The following BIN1 variants were observed in gnomAD, a reference collection of about 807,000 sequenced individuals.
BIN1 encodes the protein myc box-dependent-interacting protein 1.
BIN1 carries 53 observed loss-of-function variants against 82.0 expected under a neutral mutation model. The observed-to-expected ratio is 0.65, with a 90% CI of 0.52 to 0.81. The LOEUF (loss-of-function observed/expected upper bound fraction) is 0.81, where lower values mean the gene tolerates loss of function less well. Among genes scored for constraint, BIN1 ranks in the 40% least tolerant of loss-of-function variants. The probability of loss-of-function intolerance (pLI) is 0.00; values close to 1 mark genes in which losing one functional copy is unlikely to be tolerated. For missense variants in BIN1, 642 were observed against 784.4 expected (o/e 0.82, Z 2.17); for synonymous variants, 302 against 328.0 (o/e 0.92, Z 0.86).
intron 1 of BIN1, among the ~76,000 whole-genome samples, chr2:127,088,744 A>G (rs909019091): frequency 1.1e-4 from 17 of 151,582 alleles, no homozygotes; most frequent in Non-Finnish European, 7.4e-5. Context: ...ATCTCTTAAA[A>G]AAAAAAAAAA....
At chr2:127,066,882 G>T (rs1315977993) in intron 7 of BIN1, among the ~76,000 whole-genome samples, 3 of 152,094 alleles carry the variant, frequency 2.0e-5, no homozygotes, top group Admixed American at 6.5e-5. Flanking sequence ...ACCAGCCTGG[G>T]CAACATAATG....
At chr2:127,050,016 G>A (rs1682686135) in intron 18 of BIN1, among the ~76,000 whole-genome samples, 1 of 152,200 alleles carries the variant, frequency 6.6e-6, no homozygotes, top group African/African-American at 2.4e-5. Flanking sequence ...GCTGCAGGGT[G>A]GGCACCTTGT....
Position 127,076,629 on chromosome 2 carries a change from C to T in BIN1, c.162G>A (p.Gln54=). Residue 54 remains glutamine (Q), a synonymous_variant, in exon 2 of 19, where the codon CAG becomes CAA. Transcript: ENST00000316724. The part of the protein sequence containing the change: ...FEQCVQNFNK[Q]LTEGTRLQKD... Reference sequence around the variant, plus strand: ...GCCAAGGGCCACCCACACTCACCAGCTGCTTGTTGAAATTCTGGACGCACT... The same window carrying T: ...GCCAAGGGCCACCCACACTCACCAGTTGCTTGTTGAAATTCTGGACGCACT... 6.2e-7 allele frequency: 1 copy of T among 1,614,178 alleles called. No individual in the cohort carries two copies. The highest frequency in any genetic ancestry group is 8.5e-7 in the Non-Finnish European group (1 of 1,180,040).
rs772626188 is a variant in BIN1, at chr2:127,059,096, G to A, written c.917C>T (p.Ala306Val). The change falls in exon 11 of 19, where the codon GCC becomes GTC. Residue 306 changes from alanine to valine, a missense_variant. Coordinates refer to ENST00000316724, the MANE Select transcript of BIN1 (RefSeq NM_139343.3). The surrounding 1 kb of genome is among the most constrained non-coding windows in gnomAD (Gnocchi z 6.7). The part of the protein sequence containing the change: ...SPSPPDGSPA[A>V]TPEIRVNHEP... Reference sequence around the variant, plus strand: ...GTGGTTGACTCTGATCTCGGGGGTGGCGGCAGGGGAGCCATCTGGAGGCGA... The same window carrying A: ...GTGGTTGACTCTGATCTCGGGGGTGACGGCAGGGGAGCCATCTGGAGGCGA... The A allele has an allele frequency of 6.3e-7, 1 of 1,593,830 alleles. No homozygotes were observed. The highest frequency in any genetic ancestry group is 8.5e-7 in the Non-Finnish European group (1 of 1,171,302).
chr2:127,102,022 C>A (rs1055173394), intron 1 of BIN1, among the ~76,000 whole-genome samples: 6 of 152,316 alleles, frequency 3.9e-5, no homozygotes, highest in African/African-American at 1.4e-4. Context: ...ACTTGCTATG[C>A]CCCAAGCACC....
chr2:127,057,409 A>T lies in BIN1; in HGVS notation c.1131+64T>A. ...CTTGAGACAGAAGCATAGAGGATGA[A>T]GGCCATGCACGCCCTGAGAGGGCAG... is the stretch of plus-strand genomic sequence containing the variant. On this transcript the variant is annotated intron_variant, in intron 12 of 18. Transcript: ENST00000316724. The surrounding 1 kb of genome is among the most constrained non-coding windows in gnomAD (Gnocchi z 5.0). 2.0e-6 allele frequency: 3 copies of T among 1,485,794 alleles called. No individual in the cohort carries two copies. Among genetic ancestry groups the T allele is most frequent in the Non-Finnish European group, 2.7e-6 (3 of 1,114,376 alleles). 92.0% of individuals were successfully genotyped at this position (1,485,794 alleles called of 1,614,324 possible). A position where few individuals can be genotyped will look rare whatever the true frequency, so the allele number is the denominator to read the frequency against.
chr2:127,073,201 C>A (rs540406034), intron 2 of BIN1, among the ~76,000 whole-genome samples: 1 of 152,248 alleles, frequency 6.6e-6, no homozygotes, highest in Non-Finnish European at 1.5e-5. Flanking sequence ...CAGCTGGCTT[C>A]CTAAGCTCCT....
Position 127,051,197 on chromosome 2 carries a change from C to A in BIN1, c.1418G>T (p.Gly473Val). ...EVAGGTQPAA[G>V]AQEPGETAAS... ...CGCCGTCTCCCCTGGCTCCTGGGCTCCAGCCGCAGGTTGGGTCCCACCCGC... is the reference window on the plus strand; with the variant it reads ...CGCCGTCTCCCCTGGCTCCTGGGCTACAGCCGCAGGTTGGGTCCCACCCGC... The change falls in exon 16 of 19, where the codon GGA becomes GTA. Residue 473 changes from glycine (G) to valine (V), a missense_variant. Gly to Val is a moderately radical substitution (Grantham distance 109, BLOSUM62 -3). Transcript: ENST00000316724. The A allele has an allele frequency of 3.1e-6, 5 of 1,613,620 alleles. No homozygotes were observed. The highest frequency in any genetic ancestry group is 4.2e-6 in the Non-Finnish European group (5 of 1,179,942).
intron 1 of BIN1, among the ~76,000 whole-genome samples, chr2:127,098,377 T>C (rs964739726): frequency 9.2e-5 from 14 of 152,070 alleles, no homozygotes; most frequent in Non-Finnish European, 1.9e-4. Context: ...CAATCCGGGC[T>C]CAGCCACCAG....
intron 7 of BIN1, 66 bp from the exon 8 acceptor site, chr2:127,064,084 C>G (rs1452116258): frequency 6.4e-7 from 1 of 1,572,306 alleles, no homozygotes; most frequent in African/African-American, 1.3e-5. Flanking sequence ...CATGGCCAGT[C>G]CTCCCACCTC....
intron 1 of BIN1, chr2:127,081,918 C>G (rs889787782): frequency 1.2e-5 from 15 of 1,266,372 alleles, no homozygotes; most frequent in East Asian, 6.3e-5. Context: ...CCCAGCAGAG[C>G]CTGCGGTCGG....
At position 127,067,212 on chromosome 2, in the gene BIN1, C is replaced by T. The variant is rs1685257356; in HGVS notation, c.612+951G>A. Among the ~76,000 whole-genome samples, 2 of 152,168 alleles carry T rather than the reference C, an allele frequency of 1.3e-5. No individual in the cohort carries two copies. The highest frequency in any genetic ancestry group is 4.8e-5 in the African/African-American group (2 of 41,446). On this transcript the variant is annotated intron_variant, in intron 7 of 18. Transcript: ENST00000316724. This position sits in a 1 kb window ranked among gnomAD's most constrained non-coding sequence, Gnocchi z 4.7. ...AATGGGGCAGCTGCCCAGAGAGAAA[C>T]CCAACCTCCGGGGCCGGGCCCCTAT... is the stretch of plus-strand genomic sequence containing the variant.
rs769686102 is a variant in BIN1, at chr2:127,070,541, TC to T, written c.315+11del. 4 of 1,613,644 alleles carry T rather than the reference TC, an allele frequency of 2.5e-6. No homozygotes were observed. In the South Asian group the frequency reaches 4.4e-5, roughly 18 times the overall value. On this transcript the variant is annotated intron_variant, in intron 4 of 18. Transcript: ENST00000316724. Reference sequence around the variant, plus strand: ...CCTCTGAGAAGGGCAGGCCCACCTGTCCCATGCTCACCTCTGCGATCTTGTT... The same window carrying T: ...CCTCTGAGAAGGGCAGGCCCACCTGTCCATGCTCACCTCTGCGATCTTGTT...
rs901093298 is a variant in BIN1 at position 127,060,734 on chromosome 2, C to T, written c.857+1381G>A. On this transcript the variant is annotated intron_variant, in intron 10 of 18. Transcript: ENST00000316724. ...CCTTCCCTCTTTGCCAACCCTTCTG[C>T]TCAGAGGACAAAGGGGCAAAAGCCT... 9.2e-6 allele frequency: 14 copies of T among 1,514,128 alleles called. No homozygotes were observed. In the African/African-American group the frequency reaches 1.8e-4, roughly 19 times the overall value. 93.8% of individuals were successfully genotyped at this position (1,514,128 alleles called of 1,614,324 possible).
Position 127,057,104 on chromosome 2 carries a change from T to A in BIN1, c.1131+369A>T, listed in dbSNP as rs1683782021. Among the ~76,000 whole-genome samples the A allele has an allele frequency of 1.3e-5, 2 of 152,170 alleles. No homozygotes were observed. Among genetic ancestry groups the A allele is most frequent in the South Asian group, 4.1e-4 (2 of 4,838 alleles). On this transcript the variant is annotated intron_variant, in intron 12 of 18. Transcript: ENST00000316724. The surrounding 1 kb of genome is among the most constrained non-coding windows in gnomAD (Gnocchi z 5.0). ...GCTGAAGTCCAGGTGCTTCAGCCAT[T>A]CCAGGACCTTCCAACTCTCCCTGGC...
chr2:127,055,701 C>T (rs979043850), intron 12 of BIN1: 25 of 152,244 alleles, frequency 1.6e-4, no homozygotes, highest in African/African-American at 4.6e-4. Context: ...GAGGGTCATC[C>T]GCCAGAGAGC....
intron 1 of BIN1, among the ~76,000 whole-genome samples, chr2:127,100,042 G>A (rs1246795896): frequency 6.6e-6 from 1 of 152,086 alleles, no homozygotes; most frequent in African/African-American, 2.4e-5. Flanking sequence ...GACTTCAGGG[G>A]ATCCACCCGT....
At position 127,053,956 on chromosome 2, in the gene BIN1, G is replaced by A. The variant is rs1321356771; in HGVS notation, c.1188C>T (p.Asp396=). ...EQASLLDLDF[D]PLPPVTSPVK... ...CAGGGCTCGTCACGGGCGGGAGGGG[G>A]TCAAAGTCCAGGTCCAGCAGACTGG... The change falls in exon 13 of 19, where the codon GAC becomes GAT. Residue 396 remains aspartate (D), a synonymous_variant. Transcript: ENST00000316724. The A allele has an allele frequency of 5.8e-6, 9 of 1,551,744 alleles. No individual in the cohort carries two copies. Among genetic ancestry groups the A allele is most frequent in the Non-Finnish European group, 7.0e-6 (8 of 1,147,106 alleles).
At chr2:127,062,424 C>A (rs1684626233) in intron 9 of BIN1, among the ~76,000 whole-genome samples, 1 of 152,242 alleles carries the variant, frequency 6.6e-6, no homozygotes, top group African/African-American at 2.4e-5. Flanking sequence ...TCTCTGGAAG[C>A]CATCTTTTCC....
Sources: allele counts gnomAD v4.1 joint callset (sites outside exome capture counted in the v4.1 genomes callset), GRCh38; gene constraint gnomAD v4.1.1; non-coding constraint Gnocchi (gnomAD v3.1); transcripts MANE v1.5; gene names NCBI Gene and HGNC (gene_info 2026-07-23, HGNC 2026-07-21).